Variants in CNTNAP5 observed in about 807,000 individuals in gnomAD.
The protein encoded by CNTNAP5 is contactin-associated protein-like 5.
A neutral mutation model predicts 150.2 loss-of-function variants in CNTNAP5; 72 were observed. That is an observed-to-expected ratio of 0.48 (90% CI 0.40 to 0.58). CNTNAP5 has a LOEUF of 0.58. Among genes scored for constraint, CNTNAP5 ranks in the 20% least tolerant of loss-of-function variants. The probability of loss-of-function intolerance (pLI) is 0.00; values close to 1 mark genes in which losing one functional copy is unlikely to be tolerated. For synonymous variants in CNTNAP5, 672 were observed against 619.8 expected, an observed-to-expected ratio of 1.08 and a Z score of -1.25; for missense variants, 1,636 against 1,626.2, an observed-to-expected ratio of 1.01 and a Z score of -0.10.
intron 11 of CNTNAP5, among the ~76,000 whole-genome samples, chr2:124,588,216 C>CT (rs1246366149): frequency 7.8e-6 from 1 of 127,434 alleles, no homozygotes. Flanking sequence ...TTCTTTCTTT[C>CT]TTTCTTTCTT....
At chr2:124,660,689 A>T (rs1240165360) in intron 13 of CNTNAP5, among the ~76,000 whole-genome samples, 1 of 152,148 alleles carries the variant, frequency 6.6e-6, no homozygotes, top group Non-Finnish European at 1.5e-5. Flanking sequence ...CTGTTGCTGT[A>T]CTGAATACTG....
At chr2:124,892,789 C>T (rs1678220704) in intron 21 of CNTNAP5, among the ~76,000 whole-genome samples, 1 of 152,072 alleles carries the variant, frequency 6.6e-6, no homozygotes, top group African/African-American at 2.4e-5. Context: ...AAGCGGGCTG[C>T]AAAACACACT....
At chr2:124,648,318 G>C (rs542434488) in intron 13 of CNTNAP5, among the ~76,000 whole-genome samples, 1 of 152,248 alleles carries the variant, frequency 6.6e-6, no homozygotes, top group East Asian at 1.9e-4. Context: ...TTTGGGGAGA[G>C]AGAATAGAGC....
chr2:124,830,382 G>T (rs557345363), intron 19 of CNTNAP5, among the ~76,000 whole-genome samples: 3 of 152,106 alleles, frequency 2.0e-5, no homozygotes, highest in South Asian at 2.1e-4. Flanking sequence ...TTAATAGAGT[G>T]TAAAATCTTT....
intron 7 of CNTNAP5, among the ~76,000 whole-genome samples, chr2:124,503,512 A>C (rs151038384): frequency 5.3e-4 from 81 of 152,280 alleles, no homozygotes; most frequent in Non-Finnish European, 9.7e-4. Context: ...TTCGATGCAC[A>C]CTTAATATTC....
At chr2:124,447,080 A>AGG in intron 6 of CNTNAP5, 143 bp downstream of exon 6, 1 of 750,516 alleles carries the variant, frequency 1.3e-6, no homozygotes, top group Non-Finnish European at 2.1e-6. Context: ...TCTATGCCAG[A>AGG]TAGTCAACAA....
intron 19 of CNTNAP5, among the ~76,000 whole-genome samples, chr2:124,812,010 TAATTTA>T (rs1356315072): frequency 7.1e-5 from 6 of 84,580 alleles, no homozygotes; most frequent in African/African-American, 2.4e-4. Context: ...ATATAATATA[TAATTTA>T]TATTTATATA....
chr2:124,461,716 G>T (rs1463757477), intron 6 of CNTNAP5, among the ~76,000 whole-genome samples: 1 of 151,716 alleles, frequency 6.6e-6, no homozygotes, highest in African/African-American at 2.4e-5. Flanking sequence ...AATTAGCCAG[G>T]TGTGGTGATG....
Position 124,510,285 on chromosome 2 carries a change from C to CTATATCTATATATCTATATA in CNTNAP5, c.1327+5734_1327+5735insCTATATATCTATATATATAT, listed in dbSNP as rs1379565091. On this transcript the variant is annotated intron_variant, in intron 8 of 23. Transcript: ENST00000682447. ...TATATCTATATATCTATATCTATATCTATATATCTATATATCTATATATAT... is the reference window on the plus strand; with the variant it reads ...TATATCTATATATCTATATCTATATCTATATCTATATATCTATATATATATATCTATATATCTATATATAT... Among the ~76,000 whole-genome samples the CTATATCTATATATCTATATA allele has an allele frequency of 3.0e-4, 22 of 73,288 alleles. No homozygotes were observed. In the East Asian group the frequency reaches 6.8e-3, roughly 23 times the overall value. 48.1% of individuals were successfully genotyped at this position (73,288 alleles called of 152,430 possible). A position where few individuals can be genotyped will look rare whatever the true frequency, so the allele number is the denominator to read the frequency against.
intron 13 of CNTNAP5, among the ~76,000 whole-genome samples, chr2:124,679,878 G>A (rs1295420040): frequency 6.6e-6 from 1 of 151,684 alleles, no homozygotes. Context: ...ATCTTATTAC[G>A]GTTTGTCTTG....
At chr2:124,112,523 A>G (rs942486006) in intron 1 of CNTNAP5, among the ~76,000 whole-genome samples, 1 of 152,192 alleles carries the variant, frequency 6.6e-6, no homozygotes, top group Non-Finnish European at 1.5e-5. Context: ...GTATGTATCA[A>G]CTGAGCTCTC....
At chr2:124,565,952 CTT>C (rs111873270) in intron 11 of CNTNAP5, among the ~76,000 whole-genome samples, 3 of 144,132 alleles carry the variant, frequency 2.1e-5, no homozygotes, top group East Asian at 2.0e-4. Context: ...TTGAGGGATC[CTT>C]TTTTTTTTTT....
At chr2:124,839,833 C>T (rs1682909017) in intron 19 of CNTNAP5, among the ~76,000 whole-genome samples, 2 of 152,128 alleles carry the variant, frequency 1.3e-5, no homozygotes, top group Non-Finnish European at 2.9e-5. Context: ...TTGTGAAGGG[C>T]TTCTTGGAGA....
At chr2:124,802,989 C>T (rs978025454) in intron 19 of CNTNAP5, among the ~76,000 whole-genome samples, 2 of 151,786 alleles carry the variant, frequency 1.3e-5, no homozygotes, top group Non-Finnish European at 2.9e-5. Flanking sequence ...GTGGCGGGTG[C>T]CTTTAGTCCC....
At chr2:124,309,437 T>C (rs1161853601) in intron 3 of CNTNAP5, among the ~76,000 whole-genome samples, 1 of 152,224 alleles carries the variant, frequency 6.6e-6, no homozygotes, top group Non-Finnish European at 1.5e-5. Flanking sequence ...GTGAGATTGT[T>C]TGATGCCAGT....
rs535157467 is a variant in CNTNAP5 at position 124,395,477 on chromosome 2, A to G, written c.382-21966A>G. ...AACATGCAGCTGGATCATTTTCTAC[A>G]TCCAATAAATATTCTCTCTGCTCTC... On this transcript the variant is annotated intron_variant, in intron 3 of 23. Transcript: ENST00000682447. 3.9e-5 allele frequency among the ~76,000 whole-genome samples: 6 copies of G among 152,212 alleles called. No homozygotes were observed. In the South Asian group the frequency reaches 1.2e-3, roughly 31 times the overall value.
In CNTNAP5 at chr2:124,419,506, A is replaced by T. The variant is rs148796167; in HGVS notation, c.529+1916A>T. Among the ~76,000 whole-genome samples the T allele has an allele frequency of 1.0e-3, 158 of 152,306 alleles. 3 individuals are homozygous for T. Among genetic ancestry groups the T allele is most frequent in the African/African-American group, 3.6e-3 (150 of 41,586 alleles). ...ACATGTATCTTTTCTACAGTATGAG[A>T]AGGTTCAGAGGTCTGCTAAAGCCCA... On this transcript the variant is annotated intron_variant, in intron 4 of 23. Coordinates refer to ENST00000682447, the MANE Select transcript of CNTNAP5 (RefSeq NM_001367498.1).
chr2:124,824,566 G>T (rs1682554800), intron 19 of CNTNAP5, among the ~76,000 whole-genome samples: 1 of 152,022 alleles, frequency 6.6e-6, no homozygotes, highest in African/African-American at 2.4e-5. Flanking sequence ...TCTGGTGAAG[G>T]TTAGCATGAA....
In CNTNAP5 at chr2:124,759,468, G is replaced by C. The variant is rs988140230; in HGVS notation, c.2235-4204G>C. ...TAATTGTTTCTTTCTTTGTATTGAGGGAATGTTCTACAAATTATGACTCCC... is the reference window on the plus strand; with the variant it reads ...TAATTGTTTCTTTCTTTGTATTGAGCGAATGTTCTACAAATTATGACTCCC... On this transcript the variant is annotated intron_variant, in intron 14 of 23. Coordinates refer to ENST00000682447, the MANE Select transcript of CNTNAP5 (RefSeq NM_001367498.1). 1.0e-4 allele frequency among the ~76,000 whole-genome samples: 15 copies of C among 146,688 alleles called. No homozygotes were observed. In the East Asian group the frequency reaches 3.0e-3, roughly 29 times the overall value.
Sources: gnomAD v4.1 joint callset for allele counts (sites outside exome capture counted in the v4.1 genomes callset) on GRCh38, gnomAD v4.1.1 for gene constraint, MANE v1.5 for transcripts, NCBI Gene and HGNC (gene_info 2026-07-23, HGNC 2026-07-21) for gene names.